FRMD5: variants seen among roughly 807,000 people sequenced by gnomAD.
FRMD5 encodes the protein FERM domain containing 5.
In FRMD5, 20 loss-of-function variants were observed where a neutral mutation model predicts 69.0. The observed-to-expected ratio is 0.29, with a 90% CI of 0.20 to 0.42. The LOEUF is 0.42. FRMD5 is among the 10% of genes least tolerant of loss of function. FRMD5 has a pLI of 1.00. For missense variants in FRMD5, 595 were observed against 708.6 expected (o/e 0.84, Z 1.82); for synonymous variants, 271 against 260.1 (o/e 1.04, Z -0.40).
chr15:44,186,531 T>G (rs2078105217), intron 1 of FRMD5, among the ~76,000 whole-genome samples: 4 of 152,224 alleles, frequency 2.6e-5, no homozygotes, highest in Admixed American at 2.0e-4. Flanking sequence ...CTGCTACAAG[T>G]TCACTGAAAG....
intron 1 of FRMD5, among the ~76,000 whole-genome samples, chr15:44,182,159 C>T (rs78361679): frequency 4.7e-5 from 7 of 149,454 alleles, no homozygotes; most frequent in South Asian, 2.1e-4. Context: ...TACAGGTGTG[C>T]GCCACCATGC....
At chr15:44,124,870 C>T (rs2615286) in intron 1 of FRMD5, among the ~76,000 whole-genome samples, 124,596 of 152,040 alleles carry the variant, frequency 0.82, 53,596 homozygotes, top group Non-Finnish European at 0.94. Flanking sequence ...AGAAGCCAGG[C>T]GTGGTGGATT....
At chr15:44,167,779 C>A (rs572532864) in intron 1 of FRMD5, among the ~76,000 whole-genome samples, 1 of 152,016 alleles carries the variant, frequency 6.6e-6, no homozygotes, top group Non-Finnish European at 1.5e-5. Context: ...TTAGTAGGGA[C>A]GGGGTTTCGC....
rs139421334 is a variant in FRMD5, at chr15:44,148,340, A to T, written c.102+46613T>A. ...AGGTTGGAGTGCAGGGGCGCAATCT[A>T]GGCTCACTGCAAGCTCTGCCTCCCG... On this transcript the variant is annotated intron_variant, in intron 1 of 13. Coordinates refer to ENST00000417257, the MANE Select transcript of FRMD5 (RefSeq NM_032892.5). Among the ~76,000 whole-genome samples the T allele has an allele frequency of 1.3e-5, 2 of 151,360 alleles. 1 individual carries two copies. Among genetic ancestry groups the T allele is most frequent in the East Asian group, 3.9e-4 (2 of 5,148 alleles).
At chr15:44,059,265 C>A (rs1892994832) in intron 1 of FRMD5, among the ~76,000 whole-genome samples, 1 of 152,058 alleles carries the variant, frequency 6.6e-6, no homozygotes, top group South Asian at 2.1e-4. Context: ...GATTCCCACC[C>A]CCTCCTCGAT....
intron 1 of FRMD5, among the ~76,000 whole-genome samples, chr15:44,042,199 C>T (rs543146950): frequency 1.2e-4 from 18 of 152,204 alleles, no homozygotes; most frequent in South Asian, 4.1e-4. Flanking sequence ...GGATAAATTC[C>T]GGGACACATA....
intron 1 of FRMD5, among the ~76,000 whole-genome samples, chr15:44,135,758 G>A (rs2615269): frequency 0.18 from 26,736 of 149,024 alleles, 4,863 homozygotes; most frequent in African/African-American, 0.47. Context: ...CCGGAAGGTA[G>A]AGGTTGCAGT....
chr15:44,142,715 A>G (rs1272319068), intron 1 of FRMD5, among the ~76,000 whole-genome samples: 1 of 152,202 alleles, frequency 6.6e-6, no homozygotes, highest in African/African-American at 2.4e-5. Context: ...ATAGAGTTCA[A>G]AAACATTACT....
chr15:44,193,383 C>T (rs770661895), intron 1 of FRMD5, among the ~76,000 whole-genome samples: 11 of 151,918 alleles, frequency 7.2e-5, no homozygotes, highest in Non-Finnish European at 1.5e-4. Flanking sequence ...ACAATATACT[C>T]AAATGGTGAA....
At chr15:44,165,917 T>C (rs1431327381) in intron 1 of FRMD5, among the ~76,000 whole-genome samples, 1 of 152,224 alleles carries the variant, frequency 6.6e-6, no homozygotes, top group Admixed American at 6.5e-5. Flanking sequence ...AACATACATG[T>C]TTCAATATGT....
intron 1 of FRMD5, among the ~76,000 whole-genome samples, chr15:44,180,276 G>A (rs1260312187): frequency 6.6e-6 from 1 of 151,946 alleles, no homozygotes; most frequent in Non-Finnish European, 1.5e-5. Context: ...ACTTAGCACA[G>A]AGCCTGGAAC....
chr15:43,875,962 GA>G, intron 13 of FRMD5: 1 of 1,374,224 alleles, frequency 7.3e-7, no homozygotes, highest in Non-Finnish European at 1.0e-6. Context: ...GCTGCTTCTT[GA>G]AATGGTCCCA....
chr15:44,145,012 G>A (rs1327084409), intron 1 of FRMD5, among the ~76,000 whole-genome samples: 1 of 152,190 alleles, frequency 6.6e-6, no homozygotes, highest in Admixed American at 6.5e-5. Context: ...TGTTCTGGAA[G>A]CAGAATGCTC....
intron 4 of FRMD5, among the ~76,000 whole-genome samples, chr15:43,914,254 G>C (rs978497297): frequency 2.0e-5 from 3 of 152,168 alleles, no homozygotes; most frequent in African/African-American, 7.2e-5. Flanking sequence ...GAGGCTCCTG[G>C]AGAGTTTTTT....
chr15:44,063,733 A>G (rs1303569045), intron 1 of FRMD5: 1 of 331,776 alleles, frequency 3.0e-6, no homozygotes, highest in African/African-American at 2.2e-5. Context: ...AAATGCCATC[A>G]TCATCTTCCA....
chr15:44,102,310 T>C (rs2076652326), intron 1 of FRMD5, among the ~76,000 whole-genome samples: 1 of 152,188 alleles, frequency 6.6e-6, no homozygotes, highest in African/African-American at 2.4e-5. Flanking sequence ...CAAGCATCAG[T>C]TGAGTTCCAC....
chr15:43,980,358 T>C lies in FRMD5; in HGVS notation c.103-56049A>G, dbSNP rs79019068. 3.3e-3 allele frequency among the ~76,000 whole-genome samples: 505 copies of C among 152,332 alleles called. 6 individuals are homozygous for C. The highest frequency in any genetic ancestry group is 0.012 in the African/African-American group (488 of 41,564). ...GTGTGGGGAGATATCCTTAACATCA[T>C]TGCTATTAGAAAGTTAGTACTAGGG... On this transcript the variant is annotated intron_variant, in intron 1 of 13. Coordinates refer to ENST00000417257, the MANE Select transcript of FRMD5 (RefSeq NM_032892.5).
At chr15:44,042,988 G>A (rs979729079) in intron 1 of FRMD5, among the ~76,000 whole-genome samples, 1 of 152,138 alleles carries the variant, frequency 6.6e-6, no homozygotes, top group Non-Finnish European at 1.5e-5. Context: ...AAGTCAAATT[G>A]TCCCTATTTG....
chr15:44,018,807 C>T (rs1891083771), intron 1 of FRMD5, among the ~76,000 whole-genome samples: 1 of 152,144 alleles, frequency 6.6e-6, no homozygotes, highest in African/African-American at 2.4e-5. Flanking sequence ...CTGACCTAGG[C>T]AGTTTATTTC....
Sources: allele counts gnomAD v4.1 joint callset (sites outside exome capture counted in the v4.1 genomes callset), GRCh38; gene constraint gnomAD v4.1.1; transcripts MANE v1.5; gene names NCBI Gene and HGNC (gene_info 2026-07-23, HGNC 2026-07-21).